AATF: variants seen among roughly 807,000 people sequenced by gnomAD.
The protein encoded by AATF is apoptosis antagonizing transcription factor, also known as protein AATF.
In AATF, 48 loss-of-function variants were observed where a neutral mutation model predicts 63.7. The ratio of observed to expected loss-of-function variants is 0.75; its 90% confidence interval spans 0.60 to 0.96. The LOEUF (loss-of-function observed/expected upper bound fraction) is 0.96. Ranked by LOEUF, AATF falls within the 40% of genes least tolerant of loss-of-function variation. The pLI, the probability that AATF is intolerant of heterozygous loss-of-function variation, is 0.00. For synonymous variants in AATF, 258 were observed against 247.7 expected, an observed-to-expected ratio of 1.04 and a Z score of -0.39; for missense variants, 639 against 685.7, an observed-to-expected ratio of 0.93 and a Z score of 0.76.
At chr17:36,996,389 G>A (rs550953612) in intron 8 of AATF, among the ~76,000 whole-genome samples, 14 of 152,204 alleles carry the variant, frequency 9.2e-5, no homozygotes, top group Admixed American at 7.8e-4. Flanking sequence ...AGCCAAGATC[G>A]CATCACTACA....
intron 8 of AATF, among the ~76,000 whole-genome samples, chr17:37,012,786 T>C (rs1336472724): frequency 1.3e-5 from 2 of 152,164 alleles, no homozygotes; most frequent in Non-Finnish European, 2.9e-5. Flanking sequence ...TATAATGGGA[T>C]ATCCACATGT....
In AATF at chr17:37,000,368, G is replaced by GA. The variant is rs576846884; in HGVS notation, c.1398+9517dup. On this transcript the variant is annotated intron_variant, in intron 8 of 11. Coordinates refer to ENST00000619387, the MANE Select transcript of AATF (RefSeq NM_012138.4). ...ATTAAGTTGCTATTTACGGAGTTGG[G>GA]AAAAAACAGTGAGAGAAGCTAGTTT... 8.3e-3 allele frequency among the ~76,000 whole-genome samples: 1,259 copies of GA among 152,204 alleles called. 8 individuals are homozygous for GA. The highest frequency in any genetic ancestry group is 0.011 in the Non-Finnish European group (748 of 67,984).
intron 8 of AATF, among the ~76,000 whole-genome samples, chr17:36,998,158 C>T (rs1210535688): frequency 6.6e-6 from 1 of 152,078 alleles, no homozygotes; most frequent in Non-Finnish European, 1.5e-5. Flanking sequence ...ACCAAAATCT[C>T]ACAAATCACC....
chr17:36,999,378 G>A (rs964399391), intron 8 of AATF, among the ~76,000 whole-genome samples: 16 of 152,224 alleles, frequency 1.1e-4, no homozygotes, highest in East Asian at 1.9e-4. Context: ...GTAACTGCAT[G>A]TGGCTGTTTA....
At chr17:37,003,840 C>T (rs1254199343) in intron 8 of AATF, among the ~76,000 whole-genome samples, 2 of 151,578 alleles carry the variant, frequency 1.3e-5, no homozygotes, top group East Asian at 3.9e-4. Context: ...TGGTGGCTCA[C>T]ACCTGTAATC....
At chr17:37,000,116 G>T (rs900165412) in intron 8 of AATF, 1 of 152,484 alleles carries the variant, frequency 6.6e-6, no homozygotes, top group Non-Finnish European at 1.5e-5. Context: ...TGAGAGAATG[G>T]GGGGCAAGGT....
intron 11 of AATF, among the ~76,000 whole-genome samples, chr17:37,044,207 C>T (rs918930565): frequency 6.6e-6 from 1 of 152,266 alleles, no homozygotes; most frequent in Admixed American, 6.5e-5. Context: ...ATATACTTTC[C>T]TCTGCTTCCA....
At chr17:37,002,241 A>G (rs1192743413) in intron 8 of AATF, among the ~76,000 whole-genome samples, 1 of 152,022 alleles carries the variant, frequency 6.6e-6, no homozygotes, top group Non-Finnish European at 1.5e-5. Context: ...AGCCACCAAA[A>G]AACTACTAGA....
intron 8 of AATF, among the ~76,000 whole-genome samples, chr17:37,014,325 C>T (rs866140138): frequency 2.0e-5 from 3 of 149,966 alleles, no homozygotes; most frequent in Middle Eastern, 3.5e-3. Flanking sequence ...GAATTTGAGT[C>T]TGGAAGTCAT....
chr17:37,018,781 C>G (rs1311315206), intron 8 of AATF, among the ~76,000 whole-genome samples: 2 of 152,168 alleles, frequency 1.3e-5, no homozygotes, highest in Non-Finnish European at 2.9e-5. Flanking sequence ...ATAAGTCTTC[C>G]AAATGGACTT....
intron 4 of AATF, among the ~76,000 whole-genome samples, chr17:36,957,616 G>A (rs2070912665): frequency 6.6e-6 from 1 of 152,176 alleles, no homozygotes; most frequent in Non-Finnish European, 1.5e-5. Flanking sequence ...CCTCCTTGAA[G>A]CGTTTAACTT....
chr17:37,047,795 G>A (rs995648467), intron 11 of AATF, among the ~76,000 whole-genome samples: 4 of 152,212 alleles, frequency 2.6e-5, no homozygotes, highest in African/African-American at 9.7e-5. Flanking sequence ...CCGCTGACTG[G>A]TGGCTGGGTC....
chr17:36,984,061 C>T (rs2071148389), intron 4 of AATF, among the ~76,000 whole-genome samples: 1 of 152,146 alleles, frequency 6.6e-6, no homozygotes, highest in Non-Finnish European at 1.5e-5. Context: ...GAGAAGTCTG[C>T]TCATGCTGGA....
chr17:36,956,734 T>C (rs937858316), intron 4 of AATF, among the ~76,000 whole-genome samples: 14 of 152,180 alleles, frequency 9.2e-5, no homozygotes, highest in Admixed American at 9.2e-4. Flanking sequence ...CCCAGCACTT[T>C]GGGAGGCTGA....
chr17:37,038,507 A>G (rs1315395034), intron 11 of AATF, among the ~76,000 whole-genome samples: 2 of 152,178 alleles, frequency 1.3e-5, no homozygotes, highest in Non-Finnish European at 2.9e-5. Flanking sequence ...CATGCCAAAG[A>G]AAATAGGTGT....
At chr17:36,975,603 T>G (rs951749668) in intron 4 of AATF, among the ~76,000 whole-genome samples, 1 of 152,230 alleles carries the variant, frequency 6.6e-6, no homozygotes, top group Non-Finnish European at 1.5e-5. Flanking sequence ...AGTTTCTACC[T>G]ATTATAAACA....
rs758343167 is a variant in AATF, at chr17:36,960,917, CA to C, written c.832+7013del. ...TTATAAAAGTATGTCATGCTTATTTCAAAGATCGGAAAATACATAGAAGCAT... is the reference window on the plus strand; with the variant it reads ...TTATAAAAGTATGTCATGCTTATTTCAAGATCGGAAAATACATAGAAGCAT... On this transcript the variant is annotated intron_variant, in intron 4 of 11. Transcript: ENST00000619387. 5.9e-5 allele frequency among the ~76,000 whole-genome samples: 9 copies of C among 152,174 alleles called. 1 individual carries two copies. The South Asian group carries it at 1.9e-3, about 32-fold the overall frequency.
chr17:37,048,221 G>GTA (rs1555655586), intron 11 of AATF, among the ~76,000 whole-genome samples: 1 of 151,936 alleles, frequency 6.6e-6, no homozygotes, highest in Non-Finnish European at 1.5e-5. Context: ...CTTTTTGGCC[G>GTA]TATTCAGAAA....
At chr17:36,961,453 A>G (rs574742962) in intron 4 of AATF, among the ~76,000 whole-genome samples, 1 of 152,342 alleles carries the variant, frequency 6.6e-6, no homozygotes, top group Admixed American at 6.5e-5. Flanking sequence ...TAATTTCAAT[A>G]TGTGATCAAT....
Sources: allele counts gnomAD v4.1 joint callset (sites outside exome capture counted in the v4.1 genomes callset), GRCh38; gene constraint gnomAD v4.1.1; transcripts MANE v1.5; gene names NCBI Gene and HGNC (gene_info 2026-07-23, HGNC 2026-07-21).